The following MATK variants were observed in gnomAD, a reference collection of about 807,000 sequenced individuals.
MATK encodes the protein megakaryocyte-associated tyrosine-protein kinase.
In MATK, 41 loss-of-function variants were observed where a neutral mutation model predicts 59.8. The ratio of observed to expected loss-of-function variants is 0.69; its 90% confidence interval spans 0.53 to 0.89. The LOEUF (loss-of-function observed/expected upper bound fraction) is 0.89, where lower values mean the gene tolerates loss of function less well. Among genes scored for constraint, MATK ranks in the 40% least tolerant of loss-of-function variants. MATK has a pLI of 0.00. For synonymous variants in MATK, 308 were observed against 306.1 expected (o/e 1.01, Z -0.06); for missense variants, 593 against 719.6 (o/e 0.82, Z 2.01).
Position 3,779,797 on chromosome 19 carries a change from G to A in MATK, c.743C>T (p.Ala248Val). ...CCCCAGGTACTCACCCTGCAGGACA[G>A]CTGGGGGGTGGGGGTGGGGAACGGG... ...GAQIGEGEFG[A>V]VLQGEYLGQK... The change falls in exon 9 of 14, where the codon GCT (alanine) becomes GTT (valine). Residue 248 changes from alanine (A) to valine (V), a missense_variant and splice_region_variant. By Grantham distance (64) the Ala-to-Val change is moderately conservative. Coordinates refer to ENST00000310132, the MANE Select transcript of MATK (RefSeq NM_139355.3). 2.5e-6 allele frequency: 4 copies of A among 1,599,846 alleles called. No homozygotes were observed. Among genetic ancestry groups the A allele is most frequent in the Non-Finnish European group, 3.4e-6 (4 of 1,168,188 alleles).
Position 3,778,602 on chromosome 19 carries a change from G to T in MATK, c.1198-7C>A, listed in dbSNP as rs1036907783. 2 of 1,606,506 alleles carry T rather than the reference G, an allele frequency of 1.2e-6. No homozygotes were observed. The highest frequency in any genetic ancestry group is 1.7e-6 in the Non-Finnish European group (2 of 1,176,698). On this transcript the variant is annotated splice_polypyrimidine_tract_variant and splice_region_variant and intron_variant, in intron 12 of 13. Transcript: ENST00000310132. ...CCGACTTGCTGGTGAACTTCTGTGG[G>T]GCCCGAGACGGGGGTGAGGAGGGAC... is the stretch of plus-strand genomic sequence containing the variant.
chr19:3,779,234 C>T (rs781009151), intron 11 of MATK, 47 bp from the exon 12 acceptor site: 16 of 1,548,728 alleles, frequency 1.0e-5, no homozygotes, highest in Admixed American at 3.6e-5. Context: ...AGGATGCCCA[C>T]ATTCAGGGCT....
In MATK at chr19:3,785,297, G is replaced by A. The variant is rs1439351240; in HGVS notation, c.-151-11C>T. 1 of 1,463,810 alleles carries A rather than the reference G, an allele frequency of 6.8e-7. No homozygotes were observed. Among genetic ancestry groups the A allele is most frequent in the Admixed American group, 2.3e-5 (1 of 44,064 alleles). 90.7% of individuals were successfully genotyped at this position (1,463,810 alleles called of 1,614,324 possible). ...GGTTCTTCCTGTTTTCTGGTTGGTA[G>A]GCAGGGGCAGGGTGGGGAAATAGGG... On this transcript the variant is annotated splice_polypyrimidine_tract_variant and intron_variant, in intron 1 of 13. Transcript: ENST00000310132.
upstream of MATK, among the ~76,000 whole-genome samples, chr19:3,789,721 CTTTTTTTTT>C (rs34795629): frequency 1.2e-5 from 1 of 86,510 alleles, no homozygotes; most frequent in Non-Finnish European, 2.3e-5. Flanking sequence ...GGCAACTTTG[CTTTTTTTTT>C]TTTTTTTTTT....
chr19:3,786,663 A>G (rs1359045364), upstream of MATK, among the ~76,000 whole-genome samples: 2 of 151,896 alleles, frequency 1.3e-5, no homozygotes, highest in African/African-American at 4.8e-5. The surrounding 1 kb of genome is among the most constrained non-coding windows in gnomAD (Gnocchi z 4.1). Context: ...CCGGACTCCC[A>G]GAGGACACTT....
At position 3,779,027 on chromosome 19, in the gene MATK, C is replaced by T. The variant is rs1221691782; in HGVS notation, c.1162G>A (p.Val388Ile). The T allele has an allele frequency of 8.8e-6, 14 of 1,583,836 alleles. No homozygotes were observed. The highest frequency in any genetic ancestry group is 4.0e-5 in the African/African-American group (3 of 74,118). The change falls in exon 12 of 14, where the codon GTC becomes ATC. Residue 388 changes from valine (V) to isoleucine (I), a missense_variant. By Grantham distance (29) the Val-to-Ile change is conservative. Transcript: ENST00000310132. ...RKGLDSSRLP[V>I]KWTAPEALKH... ...AGAGCCTCGGGCGCCGTCCACTTGA[C>T]GGGCAGCCGGCTTGAGTCTAGCCCC...
At chr19:3,787,280 AT>A (rs200528360), upstream of MATK, among the ~76,000 whole-genome samples, 18 of 148,000 alleles carry the variant, frequency 1.2e-4, no homozygotes, top group East Asian at 3.0e-3. Flanking sequence ...CCACAGGGTA[AT>A]TTTTTTTTTC....
rs370617825 is a variant in MATK at position 3,785,035 on chromosome 19, C to T, written c.72+29G>A. The stretch of plus-strand genomic sequence containing the variant: ...CTGGATGGGACCCAGAACTGGCTCC[C>T]CAAGCCCCTGTGGGGAAGTGATCTT... On this transcript the variant is annotated intron_variant, in intron 2 of 13. Coordinates refer to ENST00000310132, the MANE Select transcript of MATK (RefSeq NM_139355.3). The T allele has an allele frequency of 1.2e-5, 20 of 1,610,698 alleles. No individual in the cohort carries two copies. The African/African-American group carries it at 1.9e-4, about 15-fold the overall frequency.
rs373618905 is a variant in MATK, at chr19:3,778,174, C to T, written c.*9G>A. ...GGTCCTCTGGGGCCAAGGGCCCCAC[C>T]GGGTGGGGTCAGGGCTCCTGGCTTC... is the stretch of plus-strand genomic sequence containing the variant. On this transcript the variant is annotated 3_prime_UTR_variant, in exon 14 of 14. Transcript: ENST00000310132. 353 of 1,547,324 alleles carry T rather than the reference C, an allele frequency of 2.3e-4. 1 individual carries two copies. The highest frequency in any genetic ancestry group is 1.4e-3 in the African/African-American group (100 of 72,630).
chr19:3,789,793 C>CGT (rs1568409853), upstream of MATK, among the ~76,000 whole-genome samples: 1 of 147,186 alleles, frequency 6.8e-6, no homozygotes, highest in Non-Finnish European at 1.5e-5. Flanking sequence ...GGCCTGATCT[C>CGT]GGCTCACTGC....
intron 1 of MATK, among the ~76,000 whole-genome samples, chr19:3,801,360 A>C (rs1165382066): frequency 6.6e-6 from 1 of 152,098 alleles, no homozygotes; most frequent in Non-Finnish European, 1.5e-5. Context: ...TGCAAGGCTG[A>C]CTGTGACTGG....
intron 1 of MATK, among the ~76,000 whole-genome samples, chr19:3,794,430 G>A (rs1185106817): frequency 1.3e-5 from 2 of 152,224 alleles, no homozygotes; most frequent in Admixed American, 1.3e-4. Context: ...GAGGTGGGAG[G>A]ATTGCTTGAG....
Position 3,778,581 on chromosome 19 carries a change from C to G in MATK, c.1212G>C (p.Lys404Asn). 1 of 1,612,958 alleles carries G rather than the reference C, an allele frequency of 6.2e-7. No homozygotes were observed. The highest frequency in any genetic ancestry group is 8.5e-7 in the Non-Finnish European group (1 of 1,179,518). Residue 404 changes from lysine (K) to asparagine (N), a missense_variant, in exon 13 of 14, where the codon AAG (lysine) becomes AAC (asparagine). Lys to Asn is a moderately conservative substitution (Grantham distance 94, BLOSUM62 0). Coordinates refer to ENST00000310132, the MANE Select transcript of MATK (RefSeq NM_139355.3). Reference sequence around the variant, plus strand: ...GCACCCCAAAACTCCAGACATCCGACTTGCTGGTGAACTTCTGTGGGGCCC... The same window carrying G: ...GCACCCCAAAACTCCAGACATCCGAGTTGCTGGTGAACTTCTGTGGGGCCC... ...EALKHGKFTS[K>N]SDVWSFGVLL...
In MATK at chr19:3,781,593, A is replaced by G; in HGVS notation, c.742+14T>C. 6.2e-7 allele frequency: 1 copy of G among 1,613,768 alleles called. No homozygotes were observed. Among genetic ancestry groups the G allele is most frequent in the South Asian group, 1.1e-5 (1 of 91,090 alleles). The stretch of plus-strand genomic sequence containing the variant: ...CATCTTCCTTCAGCACCCCCAACCC[A>G]GTCCGCCACTCACCTCCAAACTCTC... On this transcript the variant is annotated intron_variant, in intron 8 of 13. Transcript: ENST00000310132.
At chr19:3,786,413 G>A (rs916456872), upstream of MATK, 3 of 979,724 alleles carry the variant, frequency 3.1e-6, no homozygotes, top group Non-Finnish European at 3.6e-6. This position sits in a 1 kb window ranked among gnomAD's most constrained non-coding sequence, Gnocchi z 4.1. Flanking sequence ...CGCCGCCGCC[G>A]GCCCCTCCCC....
upstream of MATK, chr19:3,789,384 G>A: frequency 1.4e-6 from 1 of 724,988 alleles, no homozygotes; most frequent in Non-Finnish European, 2.6e-6. Context: ...ACCCCATGAA[G>A]ACTTTCTCCT....
chr19:3,779,851 A>G, intron 8 of MATK, 54 bp from the exon 9 acceptor site: 3 of 1,073,500 alleles, frequency 2.8e-6, no homozygotes, highest in South Asian at 2.5e-5. Context: ...ACAAACAGGG[A>G]CAGAGAGACA....
At chr19:3,788,994 C>T (rs973898307), upstream of MATK, among the ~76,000 whole-genome samples, 19 of 152,124 alleles carry the variant, frequency 1.2e-4, no homozygotes, top group African/African-American at 4.3e-4. Flanking sequence ...CATGGTTTAC[C>T]GGCCTCAACT....
chr19:3,799,595 T>C (rs2037625027), intron 1 of MATK, among the ~76,000 whole-genome samples: 1 of 151,884 alleles, frequency 6.6e-6, no homozygotes, highest in Non-Finnish European at 1.5e-5. Flanking sequence ...ATCCCAGCAC[T>C]TTGGGAGGCT....
Sources: gnomAD v4.1 joint callset for allele counts (sites outside exome capture counted in the v4.1 genomes callset) on GRCh38, gnomAD v4.1.1 for gene constraint, Gnocchi (gnomAD v3.1) non-coding constraint, MANE v1.5 for transcripts, NCBI Gene and HGNC (gene_info 2026-07-23, HGNC 2026-07-21) for gene names.